PHKA2: variants seen among roughly 807,000 people sequenced by gnomAD.
PHKA2 encodes the protein phosphorylase b kinase regulatory subunit alpha, liver isoform.
PHKA2 carries 31 observed loss-of-function variants against 102.0 expected under a neutral mutation model. That is an observed-to-expected ratio of 0.30 (90% CI 0.23 to 0.41). The LOEUF is 0.41. Ranked by LOEUF, PHKA2 falls within the 10% of genes least tolerant of loss-of-function variation. The pLI is 1.00. For synonymous variants in PHKA2, 455 were observed against 416.2 expected (o/e 1.09, Z -1.13); for missense variants, 858 against 1,023.1 (o/e 0.84, Z 2.20).
chrX:18,905,468 C>T (rs2047791729), intron 26 of PHKA2, among the ~76,000 whole-genome samples: 1 of 111,863 alleles, frequency 8.9e-6, no homozygotes, highest in African/African-American at 3.2e-5. Flanking sequence ...AGCCACCGAG[C>T]CCAGCCAACA....
intron 17 of PHKA2, 68 bp from the exon 18 acceptor site, chrX:18,920,269 G>C: frequency 1.7e-6 from 1 of 582,921 alleles, no homozygotes; most frequent in Non-Finnish European, 3.1e-6. Context: ...GAATCACTGA[G>C]AGACTTTTGC....
Position 18,918,577 on chromosome X carries a change from G to A in PHKA2, c.2137+104C>T. 4 of 759,361 alleles carry A rather than the reference G, an allele frequency of 5.3e-6. No individual in the cohort carries two copies. In the South Asian group the frequency reaches 8.5e-5, roughly 16 times the overall value. The allele number at this position is 759,361 out of a possible 1,213,427, so 62.6% of individuals were successfully genotyped here. On this transcript the variant is annotated intron_variant, in intron 19 of 32. Transcript: ENST00000379942. The stretch of plus-strand genomic sequence containing the variant: ...TACCTCTAAGTAGAAGCACGTGGGG[G>A]GCATTTTGTTGTCTTCTAGGATTCT...
chrX:18,930,118 G>C lies in PHKA2; in HGVS notation c.1246-812C>G, dbSNP rs112745511. ...AAACAGAAAATTTCCCCTAGATCTT[G>C]GGGTATTCATTCTGAAGGCTCCCCT... is the stretch of plus-strand genomic sequence containing the variant. On this transcript the variant is annotated intron_variant, in intron 12 of 32. Coordinates refer to ENST00000379942, the MANE Select transcript of PHKA2 (RefSeq NM_000292.3). Among the ~76,000 whole-genome samples, 540 of 112,369 alleles carry C rather than the reference G, an allele frequency of 4.8e-3. 6 individuals are homozygous for C. Among genetic ancestry groups the C allele is most frequent in the African/African-American group, 0.016 (504 of 30,936 alleles).
intron 1 of PHKA2, among the ~76,000 whole-genome samples, chrX:18,955,366 T>C (rs1379849722): frequency 9.7e-6 from 1 of 102,674 alleles, no homozygotes; most frequent in East Asian, 2.9e-4. Flanking sequence ...AGTCAGTGGC[T>C]GCTAGTAGTT....
At position 18,929,245 on chromosome X, in the gene PHKA2, G is replaced by A. The variant is rs1444346120; in HGVS notation, c.1307C>T (p.Pro436Leu). Residue 436 changes from proline (P) to leucine (L), a missense_variant, in exon 13 of 33, where the codon CCT (proline) becomes CTT (leucine). By Grantham distance (98) the Pro-to-Leu change is moderately conservative. Transcript: ENST00000379942. ...LNRRFSTSVKPDVVVQVTVLA... is the reference protein window; with the variant it reads ...LNRRFSTSVKLDVVVQVTVLA... ...TCACAAACCTTGTACTACAACATCA[G>A]GTTTGACTGAAGTGGAAAATCTTCT... 3 of 1,166,876 alleles carry A rather than the reference G, an allele frequency of 2.6e-6. No individual in the cohort carries two copies. In the Admixed American group the frequency reaches 7.1e-5, roughly 28 times the overall value.
At chrX:18,946,752 C>G (rs2048585305) in intron 5 of PHKA2, among the ~76,000 whole-genome samples, 1 of 109,768 alleles carries the variant, frequency 9.1e-6, no homozygotes, top group African/African-American at 3.3e-5. Flanking sequence ...AGACTCTGCT[C>G]AGCTTCCAAG....
intron 6 of PHKA2, among the ~76,000 whole-genome samples, chrX:18,944,272 T>C (rs1407811710): frequency 2.7e-5 from 3 of 112,560 alleles, no homozygotes; most frequent in Non-Finnish European, 3.8e-5. Context: ...TGTGTGGGTG[T>C]GTGTGCACTA....
intron 10 of PHKA2, among the ~76,000 whole-genome samples, chrX:18,937,552 C>T (rs183193958): frequency 5.3e-4 from 59 of 111,300 alleles, no homozygotes; most frequent in African/African-American, 1.7e-3. Context: ...GACACACTTA[C>T]ATTGAACCAA....
At chrX:18,961,940 G>T (rs2048877224) in intron 1 of PHKA2, among the ~76,000 whole-genome samples, 1 of 110,617 alleles carries the variant, frequency 9.0e-6, no homozygotes, top group Admixed American at 9.7e-5. Flanking sequence ...GTTTAAGGAG[G>T]CAGAAGTTAG....
chrX:18,896,997 C>T (rs747024240), intron 30 of PHKA2, among the ~76,000 whole-genome samples, 166 bp downstream of exon 30: 2 of 111,965 alleles, frequency 1.8e-5, no homozygotes, highest in African/African-American at 6.5e-5. Context: ...CATCCTACCA[C>T]GCACAGGCCC....
intron 20 of PHKA2, 92 bp downstream of exon 20, chrX:18,910,780 T>G: frequency 3.7e-6 from 2 of 533,712 alleles, no homozygotes; most frequent in Non-Finnish European, 6.6e-6. Flanking sequence ...ATATGCTGTT[T>G]CTTTTGAGTT....
intron 22 of PHKA2, 80 bp from the exon 23 acceptor site, chrX:18,907,177 G>T: frequency 3.0e-6 from 2 of 676,128 alleles, no homozygotes; most frequent in Non-Finnish European, 4.7e-6. Flanking sequence ...GTGGGGAGGA[G>T]ACACTGCCAA....
chrX:18,926,648 G>A (rs928719171), intron 13 of PHKA2, 61 bp from the exon 14 acceptor site: 6 of 1,091,669 alleles, frequency 5.5e-6, no homozygotes, highest in African/African-American at 5.4e-5. Flanking sequence ...ACATGGACAC[G>A]TGTTCCTTAC....
Position 18,970,919 on chromosome X carries a change from T to C in PHKA2, c.78+12936A>G, listed in dbSNP as rs762974223. Among the ~76,000 whole-genome samples, 3 of 112,392 alleles carry C rather than the reference T, an allele frequency of 2.7e-5. No individual in the cohort carries two copies. In the East Asian group the frequency reaches 8.3e-4, roughly 31 times the overall value. ...ATGTGAATGAAAGTAAAGTACACAA[T>C]TTCCATGCCTTGCCCATAAAGCCTT... On this transcript the variant is annotated intron_variant, in intron 1 of 32. Coordinates refer to ENST00000379942, the MANE Select transcript of PHKA2 (RefSeq NM_000292.3).
intron 29 of PHKA2, among the ~76,000 whole-genome samples, chrX:18,898,949 C>T (rs1453414379): frequency 4.5e-5 from 5 of 112,348 alleles, no homozygotes; most frequent in Non-Finnish European, 9.4e-5. Flanking sequence ...CCAAGGAGCA[C>T]AGGCAGAGAA....
At chrX:18,949,593 C>T (rs2048641686) in intron 4 of PHKA2, among the ~76,000 whole-genome samples, 1 of 112,187 alleles carries the variant, frequency 8.9e-6, no homozygotes, top group Non-Finnish European at 1.9e-5. Flanking sequence ...GGTATACCCA[C>T]TGATAAACTC....
chrX:18,924,391 G>A lies in PHKA2; in HGVS notation c.1704C>T (p.Arg568=), dbSNP rs1361063550. The A allele has an allele frequency of 8.3e-7, 1 of 1,210,905 alleles. No individual in the cohort carries two copies. Among genetic ancestry groups the A allele is most frequent in the Non-Finnish European group, 1.1e-6 (1 of 895,186 alleles). ...GRPTLTFPIS[R]TMLTNDGSDI... is the part of the protein sequence containing the mutation. The stretch of plus-strand genomic sequence containing the variant: ...AATCCCTGGAGTTACTGAGCATGGT[G>A]CGACTGATGGGGAAGGTGAGTGTGG... The change falls in exon 16 of 33, where the codon CGC becomes CGT. Residue 568 remains arginine, a synonymous_variant. Coordinates refer to ENST00000379942, the MANE Select transcript of PHKA2 (RefSeq NM_000292.3).
chrX:18,904,313 T>G (rs946606337), intron 26 of PHKA2, among the ~76,000 whole-genome samples: 1 of 112,068 alleles, frequency 8.9e-6, no homozygotes, highest in African/African-American at 3.2e-5. Flanking sequence ...CAGGATTTAA[T>G]CAAAATTCTA....
At chrX:18,913,238 T>C (rs1300126124) in intron 19 of PHKA2, among the ~76,000 whole-genome samples, 4 of 111,647 alleles carry the variant, frequency 3.6e-5, no homozygotes, top group Admixed American at 9.5e-5. Flanking sequence ...TACACTGCTG[T>C]AGACTTCATA....
Sources: gnomAD v4.1 joint callset for allele counts (sites outside exome capture counted in the v4.1 genomes callset) on GRCh38, gnomAD v4.1.1 for gene constraint, MANE v1.5 for transcripts, NCBI Gene and HGNC (gene_info 2026-07-23, HGNC 2026-07-21) for gene names.